The following BTBD9 variants were observed in gnomAD, a reference collection of about 807,000 sequenced individuals.
BTBD9 encodes BTB/POZ domain-containing protein 9.
A neutral mutation model predicts 64.3 loss-of-function variants in BTBD9; 49 were observed. The ratio of observed to expected loss-of-function variants is 0.76; its 90% confidence interval spans 0.61 to 0.97. BTBD9 has a LOEUF of 0.97. Ranked by LOEUF, BTBD9 falls within the 50% of genes least tolerant of loss-of-function variation. BTBD9 has a pLI of 0.00. For synonymous variants in BTBD9, 260 were observed against 274.7 expected, an observed-to-expected ratio of 0.95 and a Z score of 0.53; for missense variants, 598 against 762.1, an observed-to-expected ratio of 0.78 and a Z score of 2.53.
At chr6:38,309,009 C>T (rs1423723667) in intron 7 of BTBD9, among the ~76,000 whole-genome samples, 1 of 151,916 alleles carries the variant, frequency 6.6e-6, no homozygotes, top group Non-Finnish European at 1.5e-5. Context: ...GATGTCACCA[C>T]AGCTTGGGGA....
chr6:38,302,902 G>C (rs1278404851), intron 7 of BTBD9, among the ~76,000 whole-genome samples: 5 of 152,092 alleles, frequency 3.3e-5, no homozygotes, highest in Admixed American at 6.6e-5. Context: ...TAGTGATGCT[G>C]AGTATTTTTT....
intron 7 of BTBD9, among the ~76,000 whole-genome samples, chr6:38,306,448 C>G (rs187165706): frequency 6.6e-6 from 1 of 152,214 alleles, no homozygotes; most frequent in African/African-American, 2.4e-5. Flanking sequence ...GTGCACATAG[C>G]AATTCTGCTC....
intron 6 of BTBD9, among the ~76,000 whole-genome samples, chr6:38,460,980 G>A (rs1770059352): frequency 6.6e-6 from 1 of 152,168 alleles, no homozygotes; most frequent in Admixed American, 6.5e-5. Flanking sequence ...AATATTTTAT[G>A]TTTGTCACCT....
intron 9 of BTBD9, among the ~76,000 whole-genome samples, chr6:38,199,672 T>G (rs1042640626): frequency 8.5e-5 from 13 of 152,280 alleles, no homozygotes; most frequent in African/African-American, 3.1e-4. Flanking sequence ...AGCTAACACC[T>G]ACACAACTGG....
chr6:38,481,208 CAGAT>C (rs1366464096), intron 6 of BTBD9, among the ~76,000 whole-genome samples: 2 of 152,322 alleles, frequency 1.3e-5, no homozygotes, highest in Admixed American at 6.5e-5. Flanking sequence ...AGTACATTCA[CAGAT>C]AGATACTTTC....
At chr6:38,347,343 G>T (rs1048803910) in intron 6 of BTBD9, among the ~76,000 whole-genome samples, 1 of 152,160 alleles carries the variant, frequency 6.6e-6, no homozygotes, top group African/African-American at 2.4e-5. Context: ...CTGTGTAAAT[G>T]AAGATAATGT....
chr6:38,620,634 C>T (rs753013271), intron 1 of BTBD9, among the ~76,000 whole-genome samples: 12 of 152,152 alleles, frequency 7.9e-5, no homozygotes, highest in East Asian at 3.8e-4. Context: ...GCATCTAAAC[C>T]GAAGGCCCAG....
rs1765196285 is a variant in BTBD9 at position 38,271,578 on chromosome 6, GC to G, written c.1455-15063del. 2.0e-5 allele frequency among the ~76,000 whole-genome samples: 3 copies of G among 152,190 alleles called. No homozygotes were observed. The South Asian group carries it at 6.2e-4, about 32-fold the overall frequency. On this transcript the variant is annotated intron_variant, in intron 8 of 10. Transcript: ENST00000481247. ...TAAAGTTTTATTGGAACACAGCCAT[GC>G]CCCTCAGCAGGGTCGAATAGTTGCA...
At chr6:38,426,289 T>C (rs917566465) in intron 6 of BTBD9, among the ~76,000 whole-genome samples, 1 of 151,806 alleles carries the variant, frequency 6.6e-6, no homozygotes, top group Non-Finnish European at 1.5e-5. Context: ...AAAATGCTAA[T>C]TAGGCAAAAA....
rs1476488536 is a variant in BTBD9, at chr6:38,364,812, CTA to C, written c.1155-19721_1155-19720del. Reference sequence around the variant, plus strand: ...TAACATATCATACACTGGAAAAAAACTAAACCAACTAGATTGACGAACAAGAC... The same window carrying C: ...TAACATATCATACACTGGAAAAAAACAACCAACTAGATTGACGAACAAGAC... On this transcript the variant is annotated intron_variant, in intron 6 of 10. Coordinates refer to ENST00000481247, the MANE Select transcript of BTBD9 (RefSeq NM_001099272.2). Among the ~76,000 whole-genome samples the C allele has an allele frequency of 3.9e-5, 6 of 152,218 alleles. No individual in the cohort carries two copies. The East Asian group carries it at 1.2e-3, about 29-fold the overall frequency.
intron 9 of BTBD9, among the ~76,000 whole-genome samples, chr6:38,219,560 C>A (rs914886771): frequency 3.9e-5 from 6 of 152,136 alleles, no homozygotes; most frequent in Non-Finnish European, 8.8e-5. Flanking sequence ...CGTCATATCA[C>A]CTAGATGCTG....
At position 38,212,190 on chromosome 6, in the gene BTBD9, A is replaced by G. The variant is rs12525378; in HGVS notation, c.1563-19593T>C. 2.0e-3 allele frequency among the ~76,000 whole-genome samples: 312 copies of G among 152,332 alleles called. 3 individuals carry two copies. Among genetic ancestry groups the G allele is most frequent in the Admixed American group, 3.9e-3 (59 of 15,298 alleles). On this transcript the variant is annotated intron_variant, in intron 9 of 10. Transcript: ENST00000481247. ...TTAAAGCCTGGAGCTCTTTCTGAGC[A>G]GGGGCTCTCCACCCATGGTGCAGGC...
intron 6 of BTBD9, among the ~76,000 whole-genome samples, chr6:38,396,014 T>G (rs889141843): frequency 1.3e-5 from 2 of 152,148 alleles, no homozygotes; most frequent in African/African-American, 4.8e-5. Context: ...TGGCCTTGTT[T>G]TAAGTCACTA....
intron 6 of BTBD9, among the ~76,000 whole-genome samples, chr6:38,429,045 C>T (rs995960702): frequency 6.6e-6 from 1 of 151,734 alleles, no homozygotes; most frequent in Non-Finnish European, 1.5e-5. Flanking sequence ...TCATCTACTG[C>T]ATTAGTTCTT....
In BTBD9 at chr6:38,580,309, C is replaced by T; in HGVS notation, c.943G>A (p.Asp315Asn). Residue 315 changes from aspartate to asparagine, a missense_variant, in exon 5 of 11, where the codon GAT becomes AAT. Physicochemically the swap from Asp to Asn is conservative, Grantham distance 23. Transcript: ENST00000481247. The part of the protein sequence containing the change: ...LDHGFSRHPI[D>N]DDCRSGIEIK... Reference sequence around the variant, plus strand: ...TCGATGCCGGAACGGCAGTCATCATCAATTGGGTGCCTTGAAAATCCATGA... The same window carrying T: ...TCGATGCCGGAACGGCAGTCATCATTAATTGGGTGCCTTGAAAATCCATGA... 1 of 1,614,200 alleles carries T rather than the reference C, an allele frequency of 6.2e-7. No homozygotes were observed. Among genetic ancestry groups the T allele is most frequent in the Non-Finnish European group, 8.5e-7 (1 of 1,180,032 alleles).
intron 7 of BTBD9, among the ~76,000 whole-genome samples, chr6:38,302,729 C>T (rs1412576708): frequency 1.3e-5 from 2 of 151,796 alleles, no homozygotes; most frequent in African/African-American, 4.8e-5. Flanking sequence ...ATACTGTTTT[C>T]CACAATGGCT....
At chr6:38,422,919 G>A (rs1019631329) in intron 6 of BTBD9, among the ~76,000 whole-genome samples, 3 of 152,020 alleles carry the variant, frequency 2.0e-5, no homozygotes, top group Non-Finnish European at 2.9e-5. Flanking sequence ...GGTCAACATA[G>A]TGACCAGGTA....
intron 6 of BTBD9, among the ~76,000 whole-genome samples, chr6:38,468,254 G>A (rs1770486005): frequency 6.6e-6 from 1 of 152,174 alleles, no homozygotes; most frequent in African/African-American, 2.4e-5. Flanking sequence ...CAACTATCAT[G>A]TAAATTCAAC....
rs368620063 is a variant in BTBD9 at position 38,288,221 on chromosome 6, A to G, written c.1454+51T>C. 249 of 1,526,404 alleles carry G rather than the reference A, an allele frequency of 1.6e-4. 4 individuals are homozygous for G. The highest frequency in any genetic ancestry group is 1.4e-3 in the Middle Eastern group (8 of 5,808). The allele number at this position is 1,526,404 out of a possible 1,614,324, so 94.6% of individuals were successfully genotyped here. On this transcript the variant is annotated intron_variant, in intron 8 of 10. Transcript: ENST00000481247. ...TTATCATTTTACCAAAATACAATCTATATGTGTATCTTCCATTTTAAAACT... is the reference window on the plus strand; with the variant it reads ...TTATCATTTTACCAAAATACAATCTGTATGTGTATCTTCCATTTTAAAACT...
Sources: allele counts gnomAD v4.1 joint callset (sites outside exome capture counted in the v4.1 genomes callset), GRCh38; gene constraint gnomAD v4.1.1; transcripts MANE v1.5; gene names NCBI Gene and HGNC (gene_info 2026-07-23, HGNC 2026-07-21).